RASA1: variants seen among roughly 807,000 people sequenced by gnomAD.
RASA1 encodes the protein ras GTPase-activating protein 1.
RASA1 carries 25 observed loss-of-function variants against 132.2 expected under a neutral mutation model. The ratio of observed to expected loss-of-function variants is 0.19; its 90% CI spans 0.14 to 0.26. The LOEUF is 0.26. RASA1 is among the 10% of genes least tolerant of loss of function. The pLI is 1.00. For missense variants in RASA1, 964 were observed against 1,299.2 expected (o/e 0.74, Z 3.97); for synonymous variants, 477 against 449.9 (o/e 1.06, Z -0.76).
chr5:87,379,876 A>G (rs762147190), intron 19 of RASA1, 26 bp downstream of exon 19: 5 of 1,604,728 alleles, frequency 3.1e-6, no homozygotes, highest in Admixed American at 1.7e-5. Context: ...TTCATTTGAC[A>G]AGAAATTGTG....
chr5:87,299,493 G>T (rs1755264423), intron 1 of RASA1, among the ~76,000 whole-genome samples: 2 of 152,048 alleles, frequency 1.3e-5, no homozygotes, highest in African/African-American at 2.4e-5. Context: ...CTATAATAAA[G>T]TACTTACATA....
At chr5:87,293,591 C>G (rs1241953770) in intron 1 of RASA1, among the ~76,000 whole-genome samples, 1 of 152,098 alleles carries the variant, frequency 6.6e-6, no homozygotes, top group East Asian at 1.9e-4. Context: ...TAGTATTGTC[C>G]TCACAGAATG....
At chr5:87,332,771 G>T in intron 3 of RASA1, 129 bp downstream of exon 3, 2 of 966,182 alleles carry the variant, frequency 2.1e-6, no homozygotes, top group Non-Finnish European at 1.5e-6. Context: ...TTTAATTCGG[G>T]TTATAATGTC....
At chr5:87,367,096 C>T (rs917556008) in intron 11 of RASA1, among the ~76,000 whole-genome samples, 1 of 151,988 alleles carries the variant, frequency 6.6e-6, no homozygotes. Context: ...TTATTATTAA[C>T]TATTTTTTTT....
At chr5:87,382,432 T>C (rs147359675) in intron 20 of RASA1, among the ~76,000 whole-genome samples, 6 of 152,340 alleles carry the variant, frequency 3.9e-5, no homozygotes, top group African/African-American at 1.4e-4. Context: ...CTCATTATTT[T>C]GGGAATAATG....
intron 1 of RASA1, among the ~76,000 whole-genome samples, chr5:87,297,343 A>C (rs1755166588): frequency 6.6e-6 from 1 of 151,022 alleles, no homozygotes; most frequent in Non-Finnish European, 1.5e-5. Context: ...GGTATACATG[A>C]TGTACTAGGT....
At chr5:87,387,424 C>A (rs544535799) in intron 23 of RASA1, among the ~76,000 whole-genome samples, 6 of 152,262 alleles carry the variant, frequency 3.9e-5, no homozygotes, top group East Asian at 3.9e-4. Context: ...TACAAAATTA[C>A]GAATGAGGGT....
intron 6 of RASA1, among the ~76,000 whole-genome samples, chr5:87,341,606 A>G (rs1193204475): frequency 1.3e-5 from 2 of 152,146 alleles, no homozygotes; most frequent in Admixed American, 6.6e-5. Flanking sequence ...AATTTGGCAC[A>G]TTTTAAAATT....
intron 1 of RASA1, among the ~76,000 whole-genome samples, chr5:87,322,986 G>T (rs1004063420): frequency 6.6e-6 from 1 of 152,246 alleles, no homozygotes; most frequent in South Asian, 2.1e-4. Context: ...TCACCTTAAG[G>T]TGAAGATTCT....
rs112507959 is a variant in RASA1, at chr5:87,353,096, A to G, written c.1254-61A>G. On this transcript the variant is annotated intron_variant, in intron 8 of 24. Coordinates refer to ENST00000274376, the MANE Select transcript of RASA1 (RefSeq NM_002890.3). Reference sequence around the variant, plus strand: ...ATCCTTGGCAAGAAAGTTTACACATATTTTTAAAGATTTTGCAGTTTTATG... The same window carrying G: ...ATCCTTGGCAAGAAAGTTTACACATGTTTTTAAAGATTTTGCAGTTTTATG... 2.4e-5 allele frequency: 33 copies of G among 1,352,574 alleles called. No individual in the cohort carries two copies. The African/African-American group carries it at 3.0e-4, about 12-fold the overall frequency. 83.8% of individuals were successfully genotyped at this position (1,352,574 alleles called of 1,614,324 possible).
At chr5:87,317,946 C>T (rs991162336) in intron 1 of RASA1, among the ~76,000 whole-genome samples, 4 of 152,080 alleles carry the variant, frequency 2.6e-5, no homozygotes, top group Non-Finnish European at 5.9e-5. Context: ...GTTTTTCTCA[C>T]ACTCTTAAGC....
Position 87,369,847 on chromosome 5 carries a change from A to T in RASA1, c.1645A>T (p.Ser549Cys). Residue 549 changes from serine to cysteine, a missense_variant, in exon 12 of 25, where the codon AGT becomes TGT. By Grantham distance (112) the Ser-to-Cys change is moderately radical. This residue lies in a region of RASA1 where 346 missense variants were observed against 520.1 expected (regional missense o/e 0.67). Transcript: ENST00000274376. ...TTTTCAGATAGTAGTTCAGCACTTT[A>T]GTGAAGAACATTACATCTTTTACTT... ...NCFQIVVQHF[S>C]EEHYIFYFAG... The T allele has an allele frequency of 6.2e-7, 1 of 1,612,352 alleles. No individual in the cohort carries two copies. Among genetic ancestry groups the T allele is most frequent in the Non-Finnish European group, 8.5e-7 (1 of 1,178,926 alleles).
At chr5:87,369,407 A>G (rs1760764089) in intron 11 of RASA1, among the ~76,000 whole-genome samples, 1 of 152,136 alleles carries the variant, frequency 6.6e-6, no homozygotes, top group African/African-American at 2.4e-5. Context: ...GAAAATACAG[A>G]ATCACCTACA....
intron 1 of RASA1, among the ~76,000 whole-genome samples, chr5:87,282,810 G>A (rs1234686756): frequency 6.6e-6 from 1 of 152,014 alleles, no homozygotes; most frequent in African/African-American, 2.4e-5. Flanking sequence ...TCTGTCTTCT[G>A]TCATCTGCTA....
At chr5:87,387,891 A>C (rs984220892) in intron 23 of RASA1, among the ~76,000 whole-genome samples, 1 of 152,176 alleles carries the variant, frequency 6.6e-6, no homozygotes, top group South Asian at 2.1e-4. Flanking sequence ...TTTTTACTAT[A>C]ATGTTTAAGG....
At chr5:87,289,140 G>A (rs1405584256) in intron 1 of RASA1, among the ~76,000 whole-genome samples, 1 of 151,824 alleles carries the variant, frequency 6.6e-6, no homozygotes, top group Non-Finnish European at 1.5e-5. Flanking sequence ...CATTTTTGAA[G>A]AGTTTAGGAT....
At chr5:87,378,298 C>A in intron 17 of RASA1, 98 bp from the exon 18 acceptor site, 1 of 1,382,904 alleles carries the variant, frequency 7.2e-7, no homozygotes, top group African/African-American at 1.4e-5. Context: ...ATTTAAGTGG[C>A]TATTCCTGTT....
At position 87,300,975 on chromosome 5, in the gene RASA1, C is replaced by T. The variant is rs566939143; in HGVS notation, c.540-30373C>T. 3.7e-4 allele frequency among the ~76,000 whole-genome samples: 56 copies of T among 152,262 alleles called. 2 individuals carry two copies. The highest frequency in any genetic ancestry group is 3.6e-3 in the Admixed American group (55 of 15,288). ...GCAGGGTTAGGTCCTGGCTGTGAGT[C>T]ACCCATTGACTCAGCTGTTAGTACC... On this transcript the variant is annotated intron_variant, in intron 1 of 24. Transcript: ENST00000274376.
intron 13 of RASA1, among the ~76,000 whole-genome samples, chr5:87,372,535 T>C (rs944429354): frequency 5.3e-5 from 8 of 152,192 alleles, no homozygotes; most frequent in African/African-American, 1.4e-4. Flanking sequence ...ATCAGATTTA[T>C]AGCACTAATC....
Sources: gnomAD v4.1 joint callset for allele counts (sites outside exome capture counted in the v4.1 genomes callset) on GRCh38, gnomAD v4.1.1 for gene constraint, gnomAD v4.1.1 regional missense constraint, MANE v1.5 for transcripts, NCBI Gene and HGNC (gene_info 2026-07-23, HGNC 2026-07-21) for gene names.